The following GALNTL6 variants were observed in gnomAD, a reference collection of about 807,000 sequenced individuals.
The protein encoded by GALNTL6 is polypeptide N-acetylgalactosaminyltransferase-like 6.
A neutral mutation model predicts 73.7 loss-of-function variants in GALNTL6; 46 were observed. The observed-to-expected ratio is 0.62, with a 90% CI of 0.49 to 0.80. GALNTL6 has a LOEUF of 0.80. Among genes scored for constraint, GALNTL6 ranks in the 30% least tolerant of loss-of-function variants. GALNTL6 has a pLI of 0.00. For missense variants in GALNTL6, 604 were observed against 755.0 expected (o/e 0.80, Z 2.34); for synonymous variants, 259 against 263.7 (o/e 0.98, Z 0.17).
chr4:172,117,670 A>C (rs922683577), intron 2 of GALNTL6, among the ~76,000 whole-genome samples: 15 of 152,196 alleles, frequency 9.9e-5, no homozygotes, highest in Admixed American at 4.6e-4. Context: ...CATCAACAGG[A>C]GGACGTAAAA....
At chr4:172,708,258 AG>A (rs960685961) in intron 5 of GALNTL6, among the ~76,000 whole-genome samples, 6 of 152,158 alleles carry the variant, frequency 3.9e-5, no homozygotes, top group African/African-American at 1.4e-4. Flanking sequence ...CTATGTTGCC[AG>A]GCAACACTTC....
Position 171,895,884 on chromosome 4 carries a change from C to A in GALNTL6, c.138+81166C>A, listed in dbSNP as rs530238758. ...TAATGATTAAAAAGACCAAATGTATCTTGATTTTTAAAAATGCAATAGTGA... is the reference window on the plus strand; with the variant it reads ...TAATGATTAAAAAGACCAAATGTATATTGATTTTTAAAAATGCAATAGTGA... On this transcript the variant is annotated intron_variant, in intron 2 of 12. Transcript: ENST00000506823. Among the ~76,000 whole-genome samples the A allele has an allele frequency of 2.0e-5, 3 of 151,268 alleles. No individual in the cohort carries two copies. The East Asian group carries it at 5.8e-4, about 29-fold the overall frequency.
chr4:172,481,434 T>C (rs1437815144), intron 5 of GALNTL6, among the ~76,000 whole-genome samples: 2 of 148,492 alleles, frequency 1.3e-5, no homozygotes, highest in African/African-American at 4.9e-5. Context: ...GTTGTCTCTG[T>C]GGGCTTGGGC....
At chr4:172,109,088 T>C (rs1177647860) in intron 2 of GALNTL6, among the ~76,000 whole-genome samples, 1 of 152,032 alleles carries the variant, frequency 6.6e-6, no homozygotes, top group Non-Finnish European at 1.5e-5. Context: ...ATTATGTCAT[T>C]TAATTTTTTC....
chr4:171,860,396 A>G (rs1161518237), intron 2 of GALNTL6, among the ~76,000 whole-genome samples: 2 of 152,212 alleles, frequency 1.3e-5, no homozygotes, highest in Non-Finnish European at 2.9e-5. Flanking sequence ...AATATCCAGT[A>G]AAATAATAGG....
chr4:172,208,157 A>G (rs1345160948), intron 2 of GALNTL6, among the ~76,000 whole-genome samples: 2 of 152,196 alleles, frequency 1.3e-5, no homozygotes, highest in South Asian at 2.1e-4. Context: ...TGTGACCTGT[A>G]CATGCTGGAA....
intron 2 of GALNTL6, among the ~76,000 whole-genome samples, chr4:171,989,261 G>A (rs1052791179): frequency 6.6e-6 from 1 of 152,166 alleles, no homozygotes. Context: ...GATGGTCTAG[G>A]GGGCTTCTGA....
At chr4:172,248,405 C>G (rs919866009) in intron 3 of GALNTL6, among the ~76,000 whole-genome samples, 15 of 152,124 alleles carry the variant, frequency 9.9e-5, no homozygotes, top group Non-Finnish European at 2.1e-4. Context: ...TCTGTTCTCC[C>G]TTTTCCTAAT....
intron 4 of GALNTL6, among the ~76,000 whole-genome samples, chr4:172,341,631 T>G (rs538952501): frequency 6.6e-6 from 1 of 152,186 alleles, no homozygotes; most frequent in South Asian, 2.1e-4. Context: ...CTGGTGATAG[T>G]GAATGGGTAT....
chr4:172,314,769 G>A (rs144781871), intron 4 of GALNTL6, among the ~76,000 whole-genome samples: 1 of 151,750 alleles, frequency 6.6e-6, no homozygotes, highest in East Asian at 1.9e-4. Context: ...CACCAAGCCT[G>A]GCTAAATTTT....
At chr4:171,973,260 C>T (rs927066349) in intron 2 of GALNTL6, among the ~76,000 whole-genome samples, 3 of 152,062 alleles carry the variant, frequency 2.0e-5, no homozygotes, top group African/African-American at 2.4e-5. Context: ...AGGAGGAGGG[C>T]GTGTATCAGT....
chr4:171,826,694 C>G (rs1363411179), intron 2 of GALNTL6, among the ~76,000 whole-genome samples: 1 of 152,102 alleles, frequency 6.6e-6, no homozygotes, highest in African/African-American at 2.4e-5. Flanking sequence ...TAGCTTAACA[C>G]TCCTACGGAA....
At chr4:172,048,718 A>T (rs1161496337) in intron 2 of GALNTL6, among the ~76,000 whole-genome samples, 1 of 152,060 alleles carries the variant, frequency 6.6e-6, no homozygotes, top group African/African-American at 2.4e-5. Flanking sequence ...TTCCCACTGA[A>T]AAGTTTTTCA....
At chr4:171,954,109 A>C (rs531687301) in intron 2 of GALNTL6, among the ~76,000 whole-genome samples, 50 of 152,290 alleles carry the variant, frequency 3.3e-4, no homozygotes, top group African/African-American at 1.1e-3. Context: ...ACGCTAAAAA[A>C]ATAAGAAAAA....
chr4:172,259,105 T>C (rs968367429), intron 3 of GALNTL6, among the ~76,000 whole-genome samples: 1 of 151,300 alleles, frequency 6.6e-6, no homozygotes, highest in African/African-American at 2.4e-5. Context: ...CAACTTCTTT[T>C]CTTCTGGGTG....
intron 5 of GALNTL6, among the ~76,000 whole-genome samples, chr4:172,418,147 G>A (rs1202164692): frequency 6.6e-6 from 1 of 152,156 alleles, no homozygotes; most frequent in Non-Finnish European, 1.5e-5. Flanking sequence ...CCAAATTGGG[G>A]TAGGTGATGT....
At chr4:172,056,699 A>T (rs1731028684) in intron 2 of GALNTL6, among the ~76,000 whole-genome samples, 1 of 151,894 alleles carries the variant, frequency 6.6e-6, no homozygotes, top group South Asian at 2.1e-4. Context: ...TAGTTATTTA[A>T]TTATAAATAA....
Position 172,031,895 on chromosome 4 carries a change from G to A in GALNTL6, c.139-197761G>A, listed in dbSNP as rs902185170. 5.7e-4 allele frequency among the ~76,000 whole-genome samples: 87 copies of A among 151,940 alleles called. 1 individual carries two copies. Among genetic ancestry groups the A allele is most frequent in the Non-Finnish European group, 2.9e-4 (20 of 67,982 alleles). The stretch of plus-strand genomic sequence containing the variant: ...TTGAAGACTTATTTTACCTGAAAAC[G>A]GAATTAGAGCTTCTTAATGCCAAAA... On this transcript the variant is annotated intron_variant, in intron 2 of 12. Coordinates refer to ENST00000506823, the MANE Select transcript of GALNTL6 (RefSeq NM_001034845.3).
intron 5 of GALNTL6, among the ~76,000 whole-genome samples, chr4:172,425,563 T>C (rs1484339483): frequency 6.6e-6 from 1 of 152,040 alleles, no homozygotes; most frequent in Non-Finnish European, 1.5e-5. Flanking sequence ...ATTTTATATG[T>C]AATTTGAACA....
Sources: gnomAD v4.1 joint callset for allele counts (sites outside exome capture counted in the v4.1 genomes callset) on GRCh38, gnomAD v4.1.1 for gene constraint, MANE v1.5 for transcripts, NCBI Gene and HGNC (gene_info 2026-07-23, HGNC 2026-07-21) for gene names.